The following DDX18 variants were observed in gnomAD, a reference collection of about 807,000 sequenced individuals.
The protein encoded by DDX18 is DEAD-box helicase 18.
Under a neutral mutation model 73.5 loss-of-function variants are expected in DDX18, and 23 were observed. That is an observed-to-expected ratio of 0.31 (90% CI 0.23 to 0.44). The LOEUF is 0.44. Ranked by LOEUF, DDX18 falls within the 20% of genes least tolerant of loss-of-function variation. DDX18 has a pLI of 1.00. For synonymous variants in DDX18, 268 were observed against 282.7 expected (o/e 0.95, Z 0.52); for missense variants, 753 against 792.9 (o/e 0.95, Z 0.60).
At chr2:117,825,778 G>A (rs919393109) in intron 10 of DDX18, 179 bp downstream of exon 10, 2 of 645,670 alleles carry the variant, frequency 3.1e-6, no homozygotes, top group Non-Finnish European at 5.0e-6. Flanking sequence ...CAAACGGGCT[G>A]TGCCAGAGGA....
intron 13 of DDX18, 39 bp from the exon 14 acceptor site, chr2:117,830,543 T>G: frequency 6.2e-7 from 1 of 1,604,234 alleles, no homozygotes; most frequent in Non-Finnish European, 8.5e-7. Flanking sequence ...TTGGAGTTCA[T>G]TATCTTTTTT....
intron 10 of DDX18, 173 bp downstream of exon 10, chr2:117,825,772 C>A: frequency 2.9e-6 from 2 of 678,090 alleles, no homozygotes; most frequent in Non-Finnish European, 4.7e-6. Flanking sequence ...AGGGCTCAAA[C>A]GGGCTGTGCC....
chr2:117,815,886 A>G (rs559890589), intron 1 of DDX18, among the ~76,000 whole-genome samples: 1 of 152,240 alleles, frequency 6.6e-6, no homozygotes, highest in African/African-American at 2.4e-5. Context: ...TGCGAACTTT[A>G]TCTAGTTACA....
chr2:117,832,313 C>T lies in DDX18; in HGVS notation c.*1589C>T, dbSNP rs1007847277. On this transcript the variant is annotated 3_prime_UTR_variant, in exon 14 of 14. Coordinates refer to ENST00000263239, the MANE Select transcript of DDX18 (RefSeq NM_006773.4). ...CAAAAATTAAGTCATCTACCTACTA[C>T]TTGTAACCAGCTTGTTTCATAACAT... 1 of 152,198 alleles carries T rather than the reference C, an allele frequency of 6.6e-6. No individual in the cohort carries two copies. The highest frequency in any genetic ancestry group is 1.5e-5 in the Non-Finnish European group (1 of 68,050). 9.4% of individuals were successfully genotyped at this position (152,198 alleles called of 1,614,324 possible). A position where few individuals can be genotyped will look rare whatever the true frequency, so the allele number is the denominator to read the frequency against.
At position 117,830,731 on chromosome 2, in the gene DDX18, G is replaced by A. The variant is rs766273653; in HGVS notation, c.*7G>A. The A allele has an allele frequency of 6.8e-6, 11 of 1,609,542 alleles. No homozygotes were observed. On this transcript the variant is annotated 3_prime_UTR_variant, in exon 14 of 14. Transcript: ENST00000263239. Reference sequence around the variant, plus strand: ...CAGGCAGTTCTCTCACTGAACACATGCCTTCCTTTCATCTTGAATAACTTT... The same window carrying A: ...CAGGCAGTTCTCTCACTGAACACATACCTTCCTTTCATCTTGAATAACTTT...
At chr2:117,822,566 C>G (rs190909680) in intron 7 of DDX18, 2 of 301,096 alleles carry the variant, frequency 6.6e-6, no homozygotes, top group Non-Finnish European at 1.3e-5. Context: ...TTTTGCCTTA[C>G]TTGTACATAC....
chr2:117,816,679 A>G, intron 1 of DDX18, among the ~76,000 whole-genome samples: 1 of 152,236 alleles, frequency 6.6e-6, no homozygotes, highest in East Asian at 1.9e-4. Flanking sequence ...CACATAAACA[A>G]GTAACATAGT....
chr2:117,821,367 GT>G lies in DDX18; in HGVS notation c.650+72del, dbSNP rs1424890184. 2.6e-6 allele frequency: 4 copies of G among 1,513,900 alleles called. No homozygotes were observed. In the Admixed American group the frequency reaches 6.3e-5, roughly 24 times the overall value. 93.8% of individuals were successfully genotyped at this position (1,513,900 alleles called of 1,614,324 possible). On this transcript the variant is annotated intron_variant, in intron 4 of 13. Transcript: ENST00000263239. ...CTAGTAGATGATAAAGAACATACCA[GT>G]ATATTCTGTTGATTTTGTACTATAT...
At position 117,831,406 on chromosome 2, in the gene DDX18, T is replaced by C. The variant is rs1032606767; in HGVS notation, c.*682T>C. 4 of 152,256 alleles carry C rather than the reference T, an allele frequency of 2.6e-5. No individual in the cohort carries two copies. The highest frequency in any genetic ancestry group is 9.6e-5 in the African/African-American group (4 of 41,462). 9.4% of individuals were successfully genotyped at this position (152,256 alleles called of 1,614,324 possible). On this transcript the variant is annotated 3_prime_UTR_variant, in exon 14 of 14. Transcript: ENST00000263239. ...GTCACTAAGCAGTTATAACGTTTGA[T>C]GGCTGGGGGGTAGGAAGAGGATGGA...
At chr2:117,820,060 G>A (rs918813038) in intron 3 of DDX18, among the ~76,000 whole-genome samples, 2 of 152,056 alleles carry the variant, frequency 1.3e-5, no homozygotes, top group African/African-American at 4.8e-5. Context: ...GGATTCCTTG[G>A]TTTGTCCTTT....
chr2:117,829,610 T>A (rs1679989389), intron 13 of DDX18, 144 bp downstream of exon 13: 2 of 810,456 alleles, frequency 2.5e-6, no homozygotes, highest in African/African-American at 3.5e-5. Context: ...TCTGCTTTTC[T>A]GTGCTAGCAC....
In DDX18 at chr2:117,814,769, T is replaced by C; in HGVS notation, c.-9T>C. ...TGTGGCGCCTTATTCTAGGCACTTG[T>C]TGGGCAGAATGTCACACCTGCCGAT... is the stretch of plus-strand genomic sequence containing the variant. On this transcript the variant is annotated 5_prime_UTR_variant, in exon 1 of 14. Transcript: ENST00000263239. 6 of 1,614,142 alleles carry C rather than the reference T, an allele frequency of 3.7e-6. No homozygotes were observed. Among genetic ancestry groups the C allele is most frequent in the South Asian group, 1.1e-5 (1 of 91,080 alleles).
intron 1 of DDX18, 138 bp downstream of exon 1, chr2:117,815,000 C>T: frequency 1.2e-6 from 1 of 839,884 alleles, no homozygotes; most frequent in South Asian, 1.6e-5. Flanking sequence ...AGTGAAAAGG[C>T]AGCTTCCACT....
At position 117,821,915 on chromosome 2, in the gene DDX18, G is replaced by A. The variant is rs1381444316; in HGVS notation, c.805G>A (p.Gly269Ser). ...TAGAGAACTAGCCATGCAAACCTTT[G>A]GTGTTCTTAAGGAGCTGATGACTCA... ...PTRELAMQTFGVLKELMTHHV... is the reference protein window; with the variant it reads ...PTRELAMQTFSVLKELMTHHV... The change falls in exon 6 of 14, where the codon GGT becomes AGT. Residue 269 changes from glycine to serine, a missense_variant. Coordinates refer to ENST00000263239, the MANE Select transcript of DDX18 (RefSeq NM_006773.4). 14 of 1,614,002 alleles carry A rather than the reference G, an allele frequency of 8.7e-6. No homozygotes were observed. The highest frequency in any genetic ancestry group is 3.3e-5 in the South Asian group (3 of 91,074).
rs776118296 is a variant in DDX18, at chr2:117,814,888, T to G, written c.85+26T>G. 3 of 1,613,328 alleles carry G rather than the reference T, an allele frequency of 1.9e-6. No homozygotes were observed. In the African/African-American group the frequency reaches 4.0e-5, roughly 22 times the overall value. On this transcript the variant is annotated intron_variant, in intron 1 of 13. Coordinates refer to ENST00000263239, the MANE Select transcript of DDX18 (RefSeq NM_006773.4). ...GTGAGATGCGTTGACTCGCGGTGGC[T>G]CAGAAGACCCACGCGCGAGCCCTGG... is the stretch of plus-strand genomic sequence containing the variant.
chr2:117,817,820 G>T (rs1164683027), intron 2 of DDX18, 92 bp downstream of exon 2: 7 of 1,357,392 alleles, frequency 5.2e-6, no homozygotes, highest in Non-Finnish European at 5.0e-6. Flanking sequence ...CACATGACAT[G>T]AGAATTCCCT....
rs1351854776 is a variant in DDX18, at chr2:117,831,907, G to A, written c.*1183G>A. On this transcript the variant is annotated 3_prime_UTR_variant, in exon 14 of 14. Coordinates refer to ENST00000263239, the MANE Select transcript of DDX18 (RefSeq NM_006773.4). Reference sequence around the variant, plus strand: ...AAGTTGCTAGCATCATTTTGCTGTTGTGCCAGTTAATCATAGGATCCCATT... The same window carrying A: ...AAGTTGCTAGCATCATTTTGCTGTTATGCCAGTTAATCATAGGATCCCATT... 1 of 152,202 alleles carries A rather than the reference G, an allele frequency of 6.6e-6. No individual in the cohort carries two copies. Among genetic ancestry groups the A allele is most frequent in the Non-Finnish European group, 1.5e-5 (1 of 68,044 alleles). The allele number at this position is 152,202 out of a possible 1,614,324, so 9.4% of individuals were successfully genotyped here.
chr2:117,819,462 C>T (rs778028328), intron 2 of DDX18, among the ~76,000 whole-genome samples, 187 bp from the exon 3 acceptor site: 16 of 152,190 alleles, frequency 1.1e-4, no homozygotes, highest in Non-Finnish European at 1.9e-4. Context: ...CCAAGTCTGT[C>T]TGTACCCTGG....
chr2:117,827,658 G>C (rs566296254), intron 11 of DDX18: 2 of 152,136 alleles, frequency 1.3e-5, no homozygotes, highest in Non-Finnish European at 2.9e-5. Context: ...CCCTACAAAG[G>C]ACATGAACTC....
Sources: allele counts gnomAD v4.1 joint callset (sites outside exome capture counted in the v4.1 genomes callset), GRCh38; gene constraint gnomAD v4.1.1; transcripts MANE v1.5; gene names NCBI Gene and HGNC (gene_info 2026-07-23, HGNC 2026-07-21).